The following OPCML variants were observed in gnomAD, a reference collection of about 807,000 sequenced individuals.
OPCML encodes opioid binding protein/cell adhesion molecule like.
A neutral mutation model predicts 37.8 loss-of-function variants in OPCML; 13 were observed. The observed-to-expected ratio is 0.34, with a 90% CI of 0.22 to 0.55. OPCML has a LOEUF of 0.55. Ranked by LOEUF, OPCML falls within the 20% of genes least tolerant of loss-of-function variation. OPCML has a pLI of 0.91. For synonymous variants in OPCML, 176 were observed against 168.8 expected, an observed-to-expected ratio of 1.04 and a Z score of -0.33; for missense variants, 341 against 435.6, an observed-to-expected ratio of 0.78 and a Z score of 1.93.
chr11:132,689,816 G>T (rs1467569274), intron 2 of OPCML, among the ~76,000 whole-genome samples: 1 of 152,080 alleles, frequency 6.6e-6, no homozygotes, highest in Non-Finnish European at 1.5e-5. Flanking sequence ...GGAAAGAATG[G>T]GGCAGATGCA....
In OPCML at chr11:132,631,065, G is replaced by T. The variant is rs1356053156; in HGVS notation, c.379+26022C>A. On this transcript the variant is annotated intron_variant, in intron 3 of 7. Transcript: ENST00000524381. ...ATCATACATAAGAAACTCAAAATTA[G>T]GCAAAACAAATTTATGGTGATAGAT... Among the ~76,000 whole-genome samples the T allele has an allele frequency of 1.3e-5, 2 of 151,822 alleles. 1 individual carries two copies. The highest frequency in any genetic ancestry group is 4.1e-4 in the South Asian group (2 of 4,820).
At position 133,382,100 on chromosome 11, in the gene OPCML, G is replaced by A. The variant is rs529344359; in HGVS notation, c.61+150164C>T. 4.6e-5 allele frequency among the ~76,000 whole-genome samples: 7 copies of A among 152,336 alleles called. No individual in the cohort carries two copies. In the South Asian group the frequency reaches 1.2e-3, roughly 27 times the overall value. The stretch of plus-strand genomic sequence containing the variant: ...TCCATTTGCCTCCAGCTGCCAACTT[G>A]TTTGGGGAGGCGGAGGGATGGAAGG... On this transcript the variant is annotated intron_variant, in intron 1 of 7. Coordinates refer to ENST00000524381, the MANE Select transcript of OPCML (RefSeq NM_001012393.5).
intron 1 of OPCML, among the ~76,000 whole-genome samples, chr11:133,379,228 G>C (rs1421446957): frequency 3.3e-5 from 5 of 152,156 alleles, no homozygotes; most frequent in Non-Finnish European, 7.3e-5. Context: ...CTTCTAACTA[G>C]TCCACACACT....
chr11:132,885,688 T>C (rs1943382748), intron 2 of OPCML, among the ~76,000 whole-genome samples: 1 of 152,194 alleles, frequency 6.6e-6, no homozygotes, highest in Non-Finnish European at 1.5e-5. Flanking sequence ...TCACCTGCAA[T>C]AAAGAATTTT....
intron 3 of OPCML, among the ~76,000 whole-genome samples, chr11:132,619,508 A>G (rs2137904867): frequency 6.6e-6 from 1 of 152,056 alleles, no homozygotes; most frequent in Middle Eastern, 3.4e-3. Context: ...TACACAGAAA[A>G]CGGCTTGGAA....
intron 2 of OPCML, among the ~76,000 whole-genome samples, chr11:132,820,870 G>A (rs1455301765): frequency 1.3e-5 from 2 of 152,102 alleles, no homozygotes; most frequent in African/African-American, 4.8e-5. Context: ...CCGAAAACTT[G>A]TCCCTCTGAG....
At chr11:133,151,233 A>G (rs2137191173) in intron 1 of OPCML, among the ~76,000 whole-genome samples, 1 of 152,158 alleles carries the variant, frequency 6.6e-6, no homozygotes, top group South Asian at 2.1e-4. Flanking sequence ...AGATTATGCC[A>G]CTGCACTCCA....
At chr11:133,164,861 C>G (rs1451972277) in intron 1 of OPCML, among the ~76,000 whole-genome samples, 1 of 152,226 alleles carries the variant, frequency 6.6e-6, no homozygotes, top group Non-Finnish European at 1.5e-5. Flanking sequence ...CCAAACCAAA[C>G]TGCATCCTCT....
intron 1 of OPCML, among the ~76,000 whole-genome samples, chr11:133,445,286 C>T (rs528958393): frequency 2.0e-5 from 3 of 152,102 alleles, no homozygotes; most frequent in African/African-American, 7.2e-5. Context: ...TTCCTCTCTC[C>T]ACATGGGTTT....
chr11:133,401,667 C>G (rs1945408824), intron 1 of OPCML, among the ~76,000 whole-genome samples: 1 of 151,992 alleles, frequency 6.6e-6, no homozygotes, highest in Admixed American at 6.6e-5. Context: ...GAAATTCACT[C>G]CAAACAAAAC....
chr11:132,712,828 T>C (rs1476156499), intron 2 of OPCML, among the ~76,000 whole-genome samples: 2 of 152,144 alleles, frequency 1.3e-5, no homozygotes, highest in Non-Finnish European at 2.9e-5. Context: ...GGAAATGACA[T>C]GCAGTTTACA....
intron 1 of OPCML, among the ~76,000 whole-genome samples, chr11:133,220,272 G>A (rs918168335): frequency 6.6e-6 from 1 of 152,160 alleles, no homozygotes. Context: ...GTCTCTGAGA[G>A]GAAGAGCACA....
intron 1 of OPCML, among the ~76,000 whole-genome samples, chr11:132,988,387 C>T (rs750822509): frequency 3.3e-5 from 5 of 152,130 alleles, no homozygotes; most frequent in Non-Finnish European, 5.9e-5. Context: ...TATGCTTTTT[C>T]CAATGTCTGT....
intron 1 of OPCML, chr11:133,359,954 C>G (rs898606673): frequency 6.6e-6 from 1 of 152,068 alleles, no homozygotes; most frequent in Non-Finnish European, 1.5e-5. Flanking sequence ...GCTATGTGAA[C>G]CCAGTGTGTA....
chr11:133,310,769 T>C (rs749483369), intron 1 of OPCML, among the ~76,000 whole-genome samples: 9 of 152,178 alleles, frequency 5.9e-5, no homozygotes, highest in Non-Finnish European at 1.0e-4. Flanking sequence ...CTGGCTCAAA[T>C]AGAAAACAGC....
intron 2 of OPCML, among the ~76,000 whole-genome samples, chr11:132,864,415 A>T (rs149703431): frequency 2.6e-4 from 39 of 152,370 alleles, no homozygotes; most frequent in Admixed American, 1.7e-3. Flanking sequence ...TCACCACGTA[A>T]CTTCAGTTAA....
chr11:133,254,554 T>C (rs1941249783), intron 1 of OPCML, among the ~76,000 whole-genome samples: 1 of 152,170 alleles, frequency 6.6e-6, no homozygotes, highest in African/African-American at 2.4e-5. Context: ...TCCATTATGA[T>C]GACTCAGGCC....
At chr11:132,781,382 G>A (rs1247117947) in intron 2 of OPCML, among the ~76,000 whole-genome samples, 1 of 151,860 alleles carries the variant, frequency 6.6e-6, no homozygotes, top group African/African-American at 2.4e-5. Context: ...GGCTTTTCTT[G>A]CTTTTGGACT....
At chr11:132,964,299 G>A (rs1946164065) in intron 1 of OPCML, among the ~76,000 whole-genome samples, 1 of 152,220 alleles carries the variant, frequency 6.6e-6, no homozygotes, top group African/African-American at 2.4e-5. Context: ...CTGGTGTGCA[G>A]TCTTCATGAT....
Sources: allele counts gnomAD v4.1 joint callset (sites outside exome capture counted in the v4.1 genomes callset), GRCh38; gene constraint gnomAD v4.1.1; transcripts MANE v1.5; gene names NCBI Gene and HGNC (gene_info 2026-07-23, HGNC 2026-07-21).